C10orf67: variants seen among roughly 807,000 people sequenced by gnomAD.
C10orf67 encodes the protein chromosome 10 open reading frame 67, also known as uncharacterized protein C10orf67, mitochondrial.
A neutral mutation model predicts 35.6 loss-of-function variants in C10orf67; 60 were observed. The observed-to-expected ratio is 1.68, with a 90% CI of 1.37 to 2.09. The LOEUF is 2.09. Among genes scored for constraint, C10orf67 ranks in the 30% most tolerant of loss-of-function variants. C10orf67 has a pLI of 0.00. For missense variants in C10orf67, 474 were observed against 330.2 expected (o/e 1.44, Z -3.38); for synonymous variants, 167 against 115.8 (o/e 1.44, Z -2.84).
At chr10:23,307,774 G>A (rs558677935) in intron 4 of C10orf67, among the ~76,000 whole-genome samples, 1 of 151,858 alleles carries the variant, frequency 6.6e-6, no homozygotes, top group East Asian at 1.9e-4. Context: ...ATACCACCAT[G>A]CCTGGCTAAT....
At chr10:23,255,241 A>G (rs1157482216) in intron 10 of C10orf67, among the ~76,000 whole-genome samples, 1 of 152,248 alleles carries the variant, frequency 6.6e-6, no homozygotes, top group African/African-American at 2.4e-5. Flanking sequence ...GACGGGGGCC[A>G]AAAATCAAAA....
intron 13 of C10orf67, among the ~76,000 whole-genome samples, chr10:23,238,155 C>T (rs1420149910): frequency 6.6e-6 from 1 of 152,158 alleles, no homozygotes; most frequent in Non-Finnish European, 1.5e-5. Flanking sequence ...CACTATGTTA[C>T]ACTCAGCATG....
intron 12 of C10orf67, among the ~76,000 whole-genome samples, chr10:23,240,830 A>T (rs115788040): frequency 0.022 from 3,299 of 152,332 alleles, 50 homozygotes; most frequent in Middle Eastern, 0.088. Context: ...TAATGAAGTG[A>T]CTTCCCATGA....
At chr10:23,206,720 A>T (rs1055561882) in intron 15 of C10orf67, among the ~76,000 whole-genome samples, 1 of 152,328 alleles carries the variant, frequency 6.6e-6, no homozygotes, top group Non-Finnish European at 1.5e-5. Context: ...TCACAAACAT[A>T]TACAATTTAT....
chr10:23,218,901 A>G (rs766388375), intron 15 of C10orf67, among the ~76,000 whole-genome samples: 17 of 152,214 alleles, frequency 1.1e-4, no homozygotes, highest in Admixed American at 3.9e-4. Context: ...CCTAGAGACA[A>G]TATATAAAAC....
At position 23,221,884 on chromosome 10, in the gene C10orf67, G is replaced by A. The variant is rs190669599; in HGVS notation, c.1570+1714C>T. On this transcript the variant is annotated intron_variant, in intron 15 of 15. Transcript: ENST00000636213. ...AATTTTTGTTAACTGGATTATTTCC[G>A]AAAACTATCTTCAGAGGGAAGAACA... is the stretch of plus-strand genomic sequence containing the variant. 7.7e-4 allele frequency among the ~76,000 whole-genome samples: 117 copies of A among 152,148 alleles called. 2 individuals carry two copies. Among genetic ancestry groups the A allele is most frequent in the Admixed American group, 2.9e-3 (45 of 15,284 alleles).
intron 10 of C10orf67, among the ~76,000 whole-genome samples, chr10:23,251,340 C>G (rs1468333822): frequency 6.6e-6 from 1 of 152,170 alleles, no homozygotes; most frequent in African/African-American, 2.4e-5. Context: ...TTACTGTGGT[C>G]TCTCCATCTC....
chr10:23,231,409 G>C (rs1267065905), intron 13 of C10orf67, among the ~76,000 whole-genome samples: 2 of 152,194 alleles, frequency 1.3e-5, no homozygotes, highest in African/African-American at 2.4e-5. Flanking sequence ...ATTTATGTGG[G>C]TGAGTAAAAT....
chr10:23,299,977 C>CAA (rs535795751), intron 5 of C10orf67, among the ~76,000 whole-genome samples: 20 of 123,384 alleles, frequency 1.6e-4, no homozygotes, highest in African/African-American at 4.5e-4. Flanking sequence ...GACTCTGTCT[C>CAA]AAAAAAAAAA....
At chr10:23,326,712 A>C (rs1366547127) in intron 2 of C10orf67, among the ~76,000 whole-genome samples, 6 of 152,142 alleles carry the variant, frequency 3.9e-5, no homozygotes, top group Admixed American at 6.5e-5. Flanking sequence ...AAAAGATGGG[A>C]GGGTGGTAAA....
intron 12 of C10orf67, among the ~76,000 whole-genome samples, chr10:23,241,490 C>G (rs1039992750): frequency 6.6e-6 from 1 of 152,094 alleles, no homozygotes; most frequent in African/African-American, 2.4e-5. Flanking sequence ...ATTTGGGGGC[C>G]AGAAGGTTGA....
intron 12 of C10orf67, among the ~76,000 whole-genome samples, chr10:23,249,729 C>T (rs1054675404): frequency 2.6e-5 from 4 of 152,268 alleles, no homozygotes; most frequent in Admixed American, 6.5e-5. Flanking sequence ...GTTTGACCTC[C>T]GATGGCCTCC....
chr10:23,221,139 C>T lies in C10orf67; in HGVS notation c.1570+2459G>A, dbSNP rs374959975. On this transcript the variant is annotated intron_variant, in intron 15 of 15. Transcript: ENST00000636213. ...TTTAATTGACTGACAGTTTCACAGG[C>T]TTAACAGGACGCATGGCTAGGAGGT... 2.0e-4 allele frequency among the ~76,000 whole-genome samples: 30 copies of T among 152,226 alleles called. No individual in the cohort carries two copies. In the South Asian group the frequency reaches 4.4e-3, roughly 22 times the overall value.
intron 1 of C10orf67, among the ~76,000 whole-genome samples, chr10:23,338,114 CTG>C (rs1324079925): frequency 9.9e-5 from 15 of 152,184 alleles, no homozygotes; most frequent in Admixed American, 7.2e-4. Flanking sequence ...TGGGCACAGA[CTG>C]TAAAGGTGTT....
intron 15 of C10orf67, among the ~76,000 whole-genome samples, chr10:23,204,700 T>C (rs142121169): frequency 1.8e-4 from 27 of 152,232 alleles, no homozygotes; most frequent in Admixed American, 1.6e-3. Flanking sequence ...GCCTGTGAAA[T>C]AGAAAATTAT....
intron 1 of C10orf67, 129 bp downstream of exon 1, chr10:23,344,440 C>G: frequency 1.0e-6 from 1 of 954,994 alleles, no homozygotes; most frequent in Non-Finnish European, 1.6e-6. Context: ...CCACAAGACT[C>G]CCACAGCCTG....
At chr10:23,263,579 T>G (rs993539360) in intron 10 of C10orf67, among the ~76,000 whole-genome samples, 1 of 152,308 alleles carries the variant, frequency 6.6e-6, no homozygotes, top group East Asian at 1.9e-4. Flanking sequence ...CATGACTGAT[T>G]TTCTCCTATG....
intron 15 of C10orf67, among the ~76,000 whole-genome samples, chr10:23,215,620 G>T (rs1442162029): frequency 6.6e-6 from 1 of 152,090 alleles, no homozygotes; most frequent in Admixed American, 6.6e-5. Flanking sequence ...GACAGAAGAG[G>T]TAGAAGAGGG....
intron 4 of C10orf67, chr10:23,319,043 G>A (rs922363305): frequency 8.9e-6 from 6 of 671,658 alleles, no homozygotes; most frequent in African/African-American, 7.2e-5. Context: ...TACATGTACA[G>A]GTTTATTACA....
Sources: allele counts gnomAD v4.1 joint callset (sites outside exome capture counted in the v4.1 genomes callset), GRCh38; gene constraint gnomAD v4.1.1; transcripts MANE v1.5; gene names NCBI Gene and HGNC (gene_info 2026-07-23, HGNC 2026-07-21).